NPC1: variants seen among roughly 807,000 people sequenced by gnomAD.
NPC1 encodes NPC intracellular cholesterol transporter 1.
Under a neutral mutation model 140.4 loss-of-function variants are expected in NPC1, and 85 were observed. That is an observed-to-expected ratio of 0.61 (90% CI 0.51 to 0.72). The LOEUF (loss-of-function observed/expected upper bound fraction) is 0.72. Ranked by LOEUF, NPC1 falls within the 30% of genes least tolerant of loss-of-function variation. NPC1 has a pLI of 0.00. For synonymous variants in NPC1, 656 were observed against 624.8 expected, an observed-to-expected ratio of 1.05 and a Z score of -0.74; for missense variants, 1,504 against 1,623.8, an observed-to-expected ratio of 0.93 and a Z score of 1.27.
At chr18:23,513,193 A>T (rs1359284857) in intron 3 of NPC1, among the ~76,000 whole-genome samples, 1 of 152,118 alleles carries the variant, frequency 6.6e-6, no homozygotes, top group Non-Finnish European at 1.5e-5. Flanking sequence ...ACTTCAGGTG[A>T]TCCACTCACC....
At chr18:23,521,152 G>A (rs891707108), downstream of NPC1, among the ~76,000 whole-genome samples, 4 of 152,174 alleles carry the variant, frequency 2.6e-5, no homozygotes, top group Non-Finnish European at 5.9e-5. Flanking sequence ...ACCATGCCCA[G>A]CCTGTTCTAG....
chr18:23,518,805 A>T (rs1212284264), downstream of NPC1: 1 of 1,205,232 alleles, frequency 8.3e-7, no homozygotes, highest in Non-Finnish European at 1.2e-6. Context: ...TGAATATCTT[A>T]TAATTTACTT....
chr18:23,538,567 T>C lies in NPC1; in HGVS notation c.3016A>G (p.Asn1006Asp). ...MRFLPMFLSD[N>D]PNPKCGKGGH... ...CCTTTGCCACACTTGGGGTTAGGGT[T>C]ATCCGAAAGGAACATGGGCAGGAAT... Residue 1006 changes from asparagine to aspartate, a missense_variant, in exon 20 of 25, where the codon AAC (asparagine) becomes GAC (aspartate). Asn to Asp is a conservative substitution (Grantham distance 23). Transcript: ENST00000269228. 4 of 1,614,172 alleles carry C rather than the reference T, an allele frequency of 2.5e-6. No homozygotes were observed. Among genetic ancestry groups the C allele is most frequent in the Non-Finnish European group, 3.4e-6 (4 of 1,180,018 alleles).
At chr18:23,524,632 C>A (rs1788793), downstream of NPC1, 22,010 of 710,876 alleles carry the variant, frequency 0.031, 1,683 homozygotes, top group East Asian at 0.27. Context: ...TCACTTTATA[C>A]GTTTTTTACT....
chr18:23,523,564 A>AAG (rs1387727465), intron 1 of NPC1, among the ~76,000 whole-genome samples: 3 of 150,030 alleles, frequency 2.0e-5, no homozygotes, highest in East Asian at 1.9e-4. Context: ...AAAAAAAAAA[A>AAG]AAAAAGAAAA....
At chr18:23,558,242 C>G (rs191769352) in intron 6 of NPC1, among the ~76,000 whole-genome samples, 129 of 152,238 alleles carry the variant, frequency 8.5e-4, no homozygotes, top group African/African-American at 2.8e-3. Context: ...CATCTTCCCC[C>G]AAGATATTTA....
chr18:23,529,309 G>C, downstream of NPC1: 2 of 1,602,764 alleles, frequency 1.2e-6, no homozygotes, highest in Non-Finnish European at 1.7e-6. Context: ...GTGGGCTGCA[G>C]CTTTCCGCCT....
At chr18:23,530,083 T>A (rs1327082645), downstream of NPC1, 1 of 1,614,266 alleles carries the variant, frequency 6.2e-7, no homozygotes, top group Non-Finnish European at 8.5e-7. Flanking sequence ...CTCTTTTATA[T>A]GCTGCATCAG....
Position 23,583,091 on chromosome 18 carries a change from T to C in NPC1, c.57+3196A>G, listed in dbSNP as rs1599028862. Among the ~76,000 whole-genome samples, 4 of 111,734 alleles carry C rather than the reference T, an allele frequency of 3.6e-5. No homozygotes were observed. In the South Asian group the frequency reaches 1.2e-3, roughly 33 times the overall value. 73.3% of individuals were successfully genotyped at this position (111,734 alleles called of 152,430 possible). ...CACTACACTTCAGCCTGGGGGACAGTGCAAGACCCTGTTTCAAAAAAAAAA... is the reference window on the plus strand; with the variant it reads ...CACTACACTTCAGCCTGGGGGACAGCGCAAGACCCTGTTTCAAAAAAAAAA... On this transcript the variant is annotated intron_variant, in intron 1 of 24. Transcript: ENST00000269228.
Position 23,586,310 on chromosome 18 carries a change from G to A in NPC1, c.34C>T (p.Leu12=), listed in dbSNP as rs2059418191. Residue 12 remains leucine (L), a synonymous_variant, in exon 1 of 25, where the codon CTG becomes TTG. Transcript: ENST00000269228. ...ACCTGCGCTGGACACAGTAGCAGCA[G>A]GAGGAGGCCAAGGGCCAGGCCGCGA... ...TARGLALGLL[L]LLLCPAQVFS... is the part of the protein sequence containing the mutation. The A allele has an allele frequency of 2.0e-6, 3 of 1,534,140 alleles. No homozygotes were observed. Among genetic ancestry groups the A allele is most frequent in the South Asian group, 1.2e-5 (1 of 83,918 alleles).
Position 23,544,949 on chromosome 18 carries a change from C to CG in NPC1, c.1947+10_1947+11insC, listed in dbSNP as rs1555634677. 151 of 1,401,996 alleles carry CG rather than the reference C, an allele frequency of 1.1e-4. 5 individuals are homozygous for CG. The Admixed American group carries it at 2.0e-3, about 18-fold the overall frequency. The allele number at this position is 1,401,996 out of a possible 1,614,324, so 86.8% of individuals were successfully genotyped here. ...AACCTCTAGAACATACACCACCCCC[C>CG]CCCGGCTTACCAGAAGCCTGCGACA... On this transcript the variant is annotated intron_variant, in intron 12 of 24. Transcript: ENST00000269228.
Position 23,583,099 on chromosome 18 carries a change from C to A in NPC1, c.57+3188G>T, listed in dbSNP as rs182979021. Among the ~76,000 whole-genome samples the A allele has an allele frequency of 3.4e-3, 350 of 103,054 alleles. 4 individuals carry two copies. The East Asian group carries it at 0.035, about 10-fold the overall frequency. 67.6% of individuals were successfully genotyped at this position (103,054 alleles called of 152,430 possible). On this transcript the variant is annotated intron_variant, in intron 1 of 24. Coordinates refer to ENST00000269228, the MANE Select transcript of NPC1 (RefSeq NM_000271.5). ...TTCAGCCTGGGGGACAGTGCAAGAC[C>A]CTGTTTCAAAAAAAAAAAAAAAAAA... is the stretch of plus-strand genomic sequence containing the variant.
chr18:23,529,381 TAG>T (rs770716365), downstream of NPC1: 5 of 1,520,196 alleles, frequency 3.3e-6, no homozygotes, highest in South Asian at 1.3e-5. Flanking sequence ...TTCATGTGAT[TAG>T]AGTCACTTGA....
At chr18:23,529,161 G>C, downstream of NPC1, 2 of 1,606,526 alleles carry the variant, frequency 1.2e-6, no homozygotes, top group Non-Finnish European at 1.7e-6. Context: ...ATCATAGTTT[G>C]TGGTTTTTTT....
intron 5 of NPC1, among the ~76,000 whole-genome samples, chr18:23,560,894 C>T (rs1465367761): frequency 6.6e-6 from 1 of 152,224 alleles, no homozygotes; most frequent in East Asian, 1.9e-4. Flanking sequence ...CCCAGCACCC[C>T]CTAAATTAGC....
chr18:23,576,489 G>A (rs1168631447), intron 1 of NPC1: 3 of 986,958 alleles, frequency 3.0e-6, no homozygotes, highest in South Asian at 9.3e-5. Flanking sequence ...ACAAAGCACT[G>A]GCGGTGTCCT....
chr18:23,511,436 G>A (rs775686934), intron 3 of NPC1, among the ~76,000 whole-genome samples: 2 of 152,124 alleles, frequency 1.3e-5, no homozygotes, highest in Non-Finnish European at 2.9e-5. Context: ...ATGAGTTTAC[G>A]TATGTAACAA....
At chr18:23,567,125 A>G (rs1007801857) in intron 4 of NPC1, among the ~76,000 whole-genome samples, 1 of 152,232 alleles carries the variant, frequency 6.6e-6, no homozygotes, top group Non-Finnish European at 1.5e-5. Context: ...GCACTTATGG[A>G]CAAAGCTGCT....
At chr18:23,510,917 C>T (rs75079465) in intron 3 of NPC1, among the ~76,000 whole-genome samples, 63 of 152,286 alleles carry the variant, frequency 4.1e-4, no homozygotes, top group African/African-American at 1.4e-3. Flanking sequence ...AACAGTATGG[C>T]GATTCCTCAG....
Sources: gnomAD v4.1 joint callset for allele counts (sites outside exome capture counted in the v4.1 genomes callset) on GRCh38, gnomAD v4.1.1 for gene constraint, MANE v1.5 for transcripts, NCBI Gene and HGNC (gene_info 2026-07-23, HGNC 2026-07-21) for gene names.